The following MED12L variants were observed in gnomAD, a reference collection of about 807,000 sequenced individuals.
The protein encoded by MED12L is mediator complex subunit 12L.
A neutral mutation model predicts 281.3 loss-of-function variants in MED12L; 60 were observed. The observed-to-expected ratio is 0.21, with a 90% CI of 0.17 to 0.26. MED12L has a LOEUF of 0.26. MED12L is among the 10% of genes least tolerant of loss of function. The pLI is 1.00. For synonymous variants in MED12L, 974 were observed against 987.2 expected (o/e 0.99, Z 0.25); for missense variants, 2,146 against 2,680.9 (o/e 0.80, Z 4.41).
At chr3:151,337,789 G>T in intron 16 of MED12L, 1 of 1,607,088 alleles carries the variant, frequency 6.2e-7, no homozygotes, top group Non-Finnish European at 8.5e-7. Context: ...AACACAAAGA[G>T]ATTGAAATAT....
At chr3:151,105,024 G>C (rs1016212320) in intron 2 of MED12L, among the ~76,000 whole-genome samples, 3 of 152,174 alleles carry the variant, frequency 2.0e-5, no homozygotes, top group Non-Finnish European at 2.9e-5. Context: ...AGGTACAGGG[G>C]TTAGGACTTT....
intron 8 of MED12L, among the ~76,000 whole-genome samples, chr3:151,160,461 G>C (rs963579415): frequency 3.3e-5 from 5 of 152,164 alleles, no homozygotes; most frequent in Non-Finnish European, 7.3e-5. Context: ...TCTTGGGTTG[G>C]TTGCCTGTCT....
At chr3:151,329,918 G>T (rs935350543) in intron 16 of MED12L, among the ~76,000 whole-genome samples, 29 of 152,086 alleles carry the variant, frequency 1.9e-4, no homozygotes, top group Non-Finnish European at 1.5e-5. Flanking sequence ...TTGTAAACTG[G>T]ATTTTCCAGT....
intron 39 of MED12L, among the ~76,000 whole-genome samples, chr3:151,401,950 T>G (rs1199917044): frequency 6.6e-6 from 1 of 152,180 alleles, no homozygotes; most frequent in Admixed American, 6.5e-5. Context: ...TATAATGAGC[T>G]CGGAGATAGT....
chr3:151,123,160 GGACATCTATA>G (rs1429431079), intron 4 of MED12L, among the ~76,000 whole-genome samples, 186 bp downstream of exon 4: 4 of 152,186 alleles, frequency 2.6e-5, no homozygotes, highest in African/African-American at 7.2e-5. Flanking sequence ...GTAGTGCCTA[GGACATCTATA>G]AATCCCTAAA....
chr3:151,328,783 T>C, intron 16 of MED12L: 1 of 1,613,932 alleles, frequency 6.2e-7, no homozygotes, highest in South Asian at 1.1e-5. Flanking sequence ...TGAGTGTCAT[T>C]ATCAAGTCGG....
chr3:151,304,767 C>T (rs1258171650), intron 16 of MED12L, among the ~76,000 whole-genome samples: 1 of 152,090 alleles, frequency 6.6e-6, no homozygotes, highest in Non-Finnish European at 1.5e-5. Flanking sequence ...GAAGACTCAT[C>T]CATTATAGGT....
chr3:151,374,038 C>A (rs1018863381), intron 27 of MED12L, among the ~76,000 whole-genome samples: 6 of 152,238 alleles, frequency 3.9e-5, no homozygotes, highest in African/African-American at 1.4e-4. Context: ...CAATTCCAAT[C>A]CAACCCCACA....
At chr3:151,350,765 G>A (rs1753127312) in intron 17 of MED12L, among the ~76,000 whole-genome samples, 1 of 152,084 alleles carries the variant, frequency 6.6e-6, no homozygotes, top group African/African-American at 2.4e-5. Flanking sequence ...TTTGATCTTT[G>A]CTCTATAATG....
At chr3:151,120,789 A>G (rs1431816094) in intron 3 of MED12L, among the ~76,000 whole-genome samples, 2 of 152,212 alleles carry the variant, frequency 1.3e-5, no homozygotes, top group South Asian at 2.1e-4. Flanking sequence ...TCTGAATAAT[A>G]TATATTGCTA....
In MED12L at chr3:151,353,913, G is replaced by A. The variant is rs561473624; in HGVS notation, c.2399-1208G>A. Among the ~76,000 whole-genome samples the A allele has an allele frequency of 3.8e-4, 57 of 151,884 alleles. No individual in the cohort carries two copies. The East Asian group carries it at 6.8e-3, about 18-fold the overall frequency. The stretch of plus-strand genomic sequence containing the variant: ...TCCCAGCACTTTGGGAGGCCGAGGC[G>A]GGCGGATCACGAGGTCAGGAGATCG... On this transcript the variant is annotated intron_variant, in intron 17 of 44. Coordinates refer to ENST00000687756, the MANE Select transcript of MED12L (RefSeq NM_001393769.1).
chr3:151,376,473 A>G (rs570454045), intron 28 of MED12L, among the ~76,000 whole-genome samples: 3 of 152,322 alleles, frequency 2.0e-5, no homozygotes, highest in Admixed American at 6.5e-5. Flanking sequence ...GAGAGGGGCT[A>G]TGTTAAATAT....
rs1392913385 is a variant in MED12L, at chr3:151,188,420, A to G, written c.1693A>G (p.Ser565Gly). Reference sequence around the variant, plus strand: ...TTCTTCATCCTCTCTTGCTGGATCCAGTTTGCCTGTTTTCCAGAATGTGCT... The same window carrying G: ...TTCTTCATCCTCTCTTGCTGGATCCGGTTTGCCTGTTTTCCAGAATGTGCT... Reference protein sequence around the residue: ...SISSSSLAGSSLPVFQNVLLR... With the variant: ...SISSSSLAGSGLPVFQNVLLR... The change falls in exon 13 of 45, where the codon AGT becomes GGT. Residue 565 changes from serine (S) to glycine (G), a missense_variant. Ser to Gly is a moderately conservative substitution (Grantham distance 56). Around this residue, in one of 9 missense-constraint regions of MED12L, gnomAD observed 722 missense variants for 861.2 expected, o/e 0.84. Transcript: ENST00000687756. The G allele has an allele frequency of 1.2e-6, 2 of 1,612,842 alleles. No individual in the cohort carries two copies. The highest frequency in any genetic ancestry group is 1.1e-5 in the South Asian group (1 of 91,034).
Position 151,380,167 on chromosome 3 carries a change from G to A in MED12L, c.4533G>A (p.Lys1511=). 6.2e-7 allele frequency: 1 copy of A among 1,609,700 alleles called. No individual in the cohort carries two copies. Among genetic ancestry groups the A allele is most frequent in the Non-Finnish European group, 8.5e-7 (1 of 1,178,542 alleles). The change falls in exon 32 of 45, where the codon AAG becomes AAA. Residue 1511 remains lysine (K), a synonymous_variant. Coordinates refer to ENST00000687756, the MANE Select transcript of MED12L (RefSeq NM_001393769.1). The stretch of plus-strand genomic sequence containing the variant: ...TCTCACTGGTACTTACCTGCCTTAA[G>A]GGACAAGATGAACAAAGGGAAGGCC... The part of the protein sequence containing the change: ...PFLSLVLTCL[K]GQDEQREGLL...
intron 20 of MED12L, among the ~76,000 whole-genome samples, chr3:151,360,165 T>G (rs944620703): frequency 6.6e-6 from 1 of 152,162 alleles, no homozygotes; most frequent in African/African-American, 2.4e-5. Flanking sequence ...CAGTTTTCCT[T>G]TTGTGTCTCA....
At chr3:151,302,982 A>G (rs2149733916) in intron 16 of MED12L, among the ~76,000 whole-genome samples, 2 of 152,334 alleles carry the variant, frequency 1.3e-5, no homozygotes, top group Admixed American at 1.3e-4. Flanking sequence ...CAGAGGTTCC[A>G]TGACAACTAT....
chr3:151,391,541 C>T (rs1270978417), intron 38 of MED12L, among the ~76,000 whole-genome samples: 12 of 152,078 alleles, frequency 7.9e-5, no homozygotes, highest in Non-Finnish European at 5.9e-5. Flanking sequence ...GAAGAATTGT[C>T]TTGGGCCACA....
chr3:151,343,245 A>T (rs1314416423), intron 16 of MED12L, among the ~76,000 whole-genome samples: 1 of 152,224 alleles, frequency 6.6e-6, no homozygotes, highest in Non-Finnish European at 1.5e-5. Context: ...AGGCTTATTC[A>T]AGAAAATGAT....
intron 16 of MED12L, among the ~76,000 whole-genome samples, chr3:151,308,468 A>G (rs75049449): frequency 0.016 from 2,435 of 152,278 alleles, 60 homozygotes; most frequent in African/African-American, 0.055. Context: ...CCAGTAGCCA[A>G]CATAGTGGTT....
Sources: gnomAD v4.1 joint callset for allele counts (sites outside exome capture counted in the v4.1 genomes callset) on GRCh38, gnomAD v4.1.1 for gene constraint, gnomAD v4.1.1 regional missense constraint, MANE v1.5 for transcripts, NCBI Gene and HGNC (gene_info 2026-07-23, HGNC 2026-07-21) for gene names.